LIMCH1: variants seen among roughly 807,000 people sequenced by gnomAD.
LIMCH1 encodes LIM and calponin homology domains 1.
A neutral mutation model predicts 176.5 loss-of-function variants in LIMCH1; 113 were observed. The observed-to-expected ratio is 0.64, with a 90% confidence interval of 0.55 to 0.75. The LOEUF is 0.75. Ranked by LOEUF, LIMCH1 falls within the 30% of genes least tolerant of loss-of-function variation. LIMCH1 has a pLI of 0.00. For synonymous variants in LIMCH1, 619 were observed against 645.9 expected (o/e 0.96, Z 0.63); for missense variants, 1,674 against 1,814.9 (o/e 0.92, Z 1.41).
At chr4:41,695,618 T>C (rs1199863973) in intron 31 of LIMCH1, among the ~76,000 whole-genome samples, 3 of 152,164 alleles carry the variant, frequency 2.0e-5, no homozygotes, top group Non-Finnish European at 4.4e-5. Context: ...TGTTTTAATA[T>C]TGGGTAATAA....
intron 17 of LIMCH1, among the ~76,000 whole-genome samples, chr4:41,649,853 G>A (rs1197586679): frequency 6.6e-6 from 1 of 152,164 alleles, no homozygotes; most frequent in African/African-American, 2.4e-5. Context: ...AAAGTAACTA[G>A]AAATAGAGAT....
At chr4:41,363,752 C>G (rs1213457337) in intron 1 of LIMCH1, among the ~76,000 whole-genome samples, 1 of 152,138 alleles carries the variant, frequency 6.6e-6, no homozygotes, top group Non-Finnish European at 1.5e-5. Flanking sequence ...GGTGAAAGCT[C>G]TAACGGAGCA....
chr4:41,573,241 C>T (rs2083847349), intron 1 of LIMCH1, among the ~76,000 whole-genome samples: 1 of 152,172 alleles, frequency 6.6e-6, no homozygotes, highest in Non-Finnish European at 1.5e-5. Context: ...CTGAGAAAGT[C>T]AACAGCATCA....
At position 41,687,857 on chromosome 4, in the gene LIMCH1, A is replaced by C. The variant is rs930054858; in HGVS notation, c.4106A>C (p.His1369Pro). ...CATTACAGGAAAAGTCCCCGAGAGC[A>C]CTTCCAGGCTGGGCCTTTCTCTCCC... is the stretch of plus-strand genomic sequence containing the variant. Reference protein sequence around the residue: ...SERRKKSPREHFQAGPFSPCS... With the variant: ...SERRKKSPREPFQAGPFSPCS... Residue 1369 changes from histidine (H) to proline (P), a missense_variant, in exon 29 of 32, where the codon CAC becomes CCC. Transcript: ENST00000503057. 1.4e-5 allele frequency: 22 copies of C among 1,613,220 alleles called. No homozygotes were observed. Among genetic ancestry groups the C allele is most frequent in the Non-Finnish European group, 1.7e-5 (20 of 1,179,546 alleles).
intron 1 of LIMCH1, among the ~76,000 whole-genome samples, chr4:41,587,044 C>G (rs2086622983): frequency 6.6e-6 from 1 of 152,204 alleles, no homozygotes; most frequent in South Asian, 2.1e-4. Flanking sequence ...AGTTGGTTCT[C>G]TTTGGCATCA....
At chr4:41,452,221 T>C (rs2063971846) in intron 1 of LIMCH1, among the ~76,000 whole-genome samples, 1 of 152,254 alleles carries the variant, frequency 6.6e-6, no homozygotes, top group African/African-American at 2.4e-5. Context: ...ATTTTATTTA[T>C]GTAAATTTAT....
At position 41,422,914 on chromosome 4, in the gene LIMCH1, C is replaced by T. The variant is rs1326448620; in HGVS notation, c.96+61978C>T. Among the ~76,000 whole-genome samples, 3 of 152,154 alleles carry T rather than the reference C, an allele frequency of 2.0e-5. No homozygotes were observed. In the East Asian group the frequency reaches 5.8e-4, roughly 29 times the overall value. On this transcript the variant is annotated intron_variant, in intron 1 of 26. Transcript: ENST00000313860. ...CTGGGATTGCAGGTGTGTGCCACCA[C>T]ACCCAGCTAATGTTTTCAATTTTCT...
At chr4:41,448,752 G>A (rs1315841501) in intron 1 of LIMCH1, among the ~76,000 whole-genome samples, 1 of 152,006 alleles carries the variant, frequency 6.6e-6, no homozygotes, top group Non-Finnish European at 1.5e-5. Flanking sequence ...TTCTTGGGCT[G>A]AGGCTGTAGC....
intron 1 of LIMCH1, among the ~76,000 whole-genome samples, chr4:41,416,287 G>A (rs1258945694): frequency 3.9e-5 from 6 of 152,082 alleles, no homozygotes; most frequent in Admixed American, 3.9e-4. Flanking sequence ...TTAAAACCTG[G>A]TCACGATAAT....
At chr4:41,660,179 G>A (rs4861129) in intron 18 of LIMCH1, among the ~76,000 whole-genome samples, 85,873 of 151,856 alleles carry the variant, frequency 0.57, 25,539 homozygotes, top group African/African-American at 0.72. Flanking sequence ...GTATTTTCAC[G>A]TATCATTAAC....
rs566699202 is a variant in LIMCH1 at position 41,480,497 on chromosome 4, C to G, written c.97-14039C>G. 9.9e-4 allele frequency among the ~76,000 whole-genome samples: 151 copies of G among 152,250 alleles called. 1 individual carries two copies. The highest frequency in any genetic ancestry group is 1.5e-3 in the Non-Finnish European group (102 of 68,014). ...TGGCATGCATCTGTAGTCCCAGCTA[C>G]TCGGGAGGCTGAGGCAGGAGAATCT... On this transcript the variant is annotated intron_variant, in intron 1 of 26. Transcript: ENST00000313860.
At chr4:41,659,818 T>G (rs59840023) in intron 18 of LIMCH1, among the ~76,000 whole-genome samples, 11,362 of 152,182 alleles carry the variant, frequency 0.075, 519 homozygotes, top group South Asian at 0.15. Context: ...AGTATTTAAT[T>G]TAACATTTTA....
intron 30 of LIMCH1, 175 bp downstream of exon 30, chr4:41,689,810 A>G (rs1723974135): frequency 2.0e-6 from 1 of 491,914 alleles, no homozygotes; most frequent in South Asian, 3.1e-5. Context: ...TCCCTCTGGG[A>G]TGTCAGATTA....
chr4:41,455,710 G>C (rs761703015), intron 1 of LIMCH1, among the ~76,000 whole-genome samples: 1 of 152,146 alleles, frequency 6.6e-6, no homozygotes, highest in African/African-American at 2.4e-5. Flanking sequence ...TAGTTGCTTC[G>C]ACTCAGCGCA....
intron 21 of LIMCH1, chr4:41,670,744 C>T: frequency 6.5e-7 from 1 of 1,535,942 alleles, no homozygotes; most frequent in East Asian, 2.4e-5. Context: ...CAGTGTTCCG[C>T]TTAGAGTTCA....
chr4:41,543,722 A>AT, intron 1 of LIMCH1, among the ~76,000 whole-genome samples: 2 of 152,266 alleles, frequency 1.3e-5, no homozygotes, highest in Non-Finnish European at 2.9e-5. Context: ...GGGTCTTCAC[A>AT]TCTTGGCCAG....
At chr4:41,498,860 A>C (rs887065012) in intron 2 of LIMCH1, among the ~76,000 whole-genome samples, 1 of 151,936 alleles carries the variant, frequency 6.6e-6, no homozygotes, top group African/African-American at 2.4e-5. Context: ...GGGCTGGCAA[A>C]TTATGGCCCT....
chr4:41,667,426 A>G lies in LIMCH1; in HGVS notation c.3397+760A>G, dbSNP rs1418319119. 4.7e-5 allele frequency among the ~76,000 whole-genome samples: 7 copies of G among 148,684 alleles called. No individual in the cohort carries two copies. In the East Asian group the frequency reaches 1.4e-3, roughly 29 times the overall value. The stretch of plus-strand genomic sequence containing the variant: ...ATATGAGAAACGTGTGTGTGTGTGT[A>G]ATACACATACATAATACTAAAGATT... On this transcript the variant is annotated intron_variant, in intron 21 of 31. Coordinates refer to ENST00000503057, the MANE Select transcript of LIMCH1 (RefSeq NM_001330672.2).
At chr4:41,421,959 T>C (rs2060638827) in intron 1 of LIMCH1, among the ~76,000 whole-genome samples, 2 of 152,046 alleles carry the variant, frequency 1.3e-5, no homozygotes, top group South Asian at 4.1e-4. Context: ...GGCATGCACC[T>C]GTAATCCCAG....
Sources: allele counts gnomAD v4.1 joint callset (sites outside exome capture counted in the v4.1 genomes callset), GRCh38; gene constraint gnomAD v4.1.1; transcripts MANE v1.5; gene names NCBI Gene and HGNC (gene_info 2026-07-23, HGNC 2026-07-21).